Variants in SORL1 observed in about 807,000 individuals in gnomAD.
The protein encoded by SORL1 is sortilin related receptor 1.
SORL1 carries 127 observed loss-of-function variants against 273.7 expected under a neutral mutation model. The ratio of observed to expected loss-of-function variants is 0.46; its 90% CI spans 0.40 to 0.54. The LOEUF is 0.54. SORL1 is among the 20% of genes least tolerant of loss of function. The probability of loss-of-function intolerance (pLI) is 0.00; values close to 1 mark genes in which losing one functional copy is unlikely to be tolerated. For synonymous variants in SORL1, 1,031 were observed against 1,067.4 expected (o/e 0.97, Z 0.66); for missense variants, 2,494 against 2,846.1 (o/e 0.88, Z 2.81).
intron 11 of SORL1, among the ~76,000 whole-genome samples, chr11:121,527,000 T>C (rs1019133884): frequency 4.6e-5 from 7 of 152,008 alleles, no homozygotes; most frequent in African/African-American, 1.7e-4. Flanking sequence ...TTTTCTCCCT[T>C]CTGATTTCTT....
Position 121,627,349 on chromosome 11 carries a change from A to C in SORL1, c.6365-206A>C. On this transcript the variant is annotated intron_variant, in intron 46 of 47. Coordinates refer to ENST00000260197, the MANE Select transcript of SORL1 (RefSeq NM_003105.6). This position sits in a 1 kb window ranked among gnomAD's most constrained non-coding sequence, Gnocchi z 4.9. ...TAATGTAATTACCATATTTGCATGC[A>C]CAAGGCCCTTGGTCTATCAGCTCAT... The C allele has an allele frequency of 1.7e-6, 1 of 593,114 alleles. No homozygotes were observed. The highest frequency in any genetic ancestry group is 2.0e-5 in the South Asian group (1 of 49,990). The allele number at this position is 593,114 out of a possible 1,614,324, so 36.7% of individuals were successfully genotyped here. A position where few individuals can be genotyped will look rare whatever the true frequency, so the allele number is the denominator to read the frequency against.
rs577250328 is a variant in SORL1 at position 121,554,461 on chromosome 11, G to A, written c.2439+352G>A. ...ATCTTTCTTCCCAAGCCATGATACA[G>A]TAACACTTGACTTACCCATAGCTCA... On this transcript the variant is annotated intron_variant, in intron 17 of 47. Transcript: ENST00000260197. The surrounding 1 kb of genome is among the most constrained non-coding windows in gnomAD (Gnocchi z 4.6). Among the ~76,000 whole-genome samples, 2 of 152,252 alleles carry A rather than the reference G, an allele frequency of 1.3e-5. No individual in the cohort carries two copies. Among genetic ancestry groups the A allele is most frequent in the East Asian group, 3.9e-4 (2 of 5,192 alleles).
In SORL1 at chr11:121,462,832, G is replaced by A. The variant is rs953603636; in HGVS notation, c.286-7175G>A. Among the ~76,000 whole-genome samples, 4 of 152,274 alleles carry A rather than the reference G, an allele frequency of 2.6e-5. No homozygotes were observed. In the East Asian group the frequency reaches 7.7e-4, roughly 29 times the overall value. ...ACTCCTGGGCTCGAGGGATCCACCC[G>A]CCTTGGCCTCCCAAAGTGCTGGGAT... On this transcript the variant is annotated intron_variant, in intron 1 of 47. Transcript: ENST00000260197.
In SORL1 at chr11:121,452,614, C is replaced by G; in HGVS notation, c.283C>G (p.Gln95Glu). 6.7e-7 allele frequency: 1 copy of G among 1,482,752 alleles called. No individual in the cohort carries two copies. The allele number at this position is 1,482,752 out of a possible 1,614,324, so 91.8% of individuals were successfully genotyped here. A position where few individuals can be genotyped will look rare whatever the true frequency, so the allele number is the denominator to read the frequency against. The change falls in exon 1 of 48, where the codon CAG (glutamine) becomes GAG (glutamate). Residue 95 changes from glutamine to glutamate, a missense_variant and splice_region_variant. Transcript: ENST00000260197. The surrounding 1 kb of genome is among the most constrained non-coding windows in gnomAD (Gnocchi z 5.3). ...GCCCGAGCCCATCAAGGTGTACGGACAGGTGAGCAGTTTTGCAACCCGCCT... is the reference window on the plus strand; with the variant it reads ...GCCCGAGCCCATCAAGGTGTACGGAGAGGTGAGCAGTTTTGCAACCCGCCT... Reference protein sequence around the residue: ...LQPEPIKVYGQVSLNDSHNQM... With the variant: ...LQPEPIKVYGEVSLNDSHNQM...
chr11:121,468,570 G>A (rs1480607819), intron 1 of SORL1, among the ~76,000 whole-genome samples: 1 of 152,174 alleles, frequency 6.6e-6, no homozygotes, highest in Admixed American at 6.5e-5. Flanking sequence ...ACAGGTGCAT[G>A]CCACCATGCC....
Position 121,614,955 on chromosome 11 carries a change from A to G in SORL1, c.5504A>G (p.His1835Arg), listed in dbSNP as rs758431059. Residue 1835 changes from histidine (H) to arginine (R), a missense_variant, in exon 41 of 48, where the codon CAT (histidine) becomes CGT (arginine). His to Arg is a conservative substitution (Grantham distance 29). Transcript: ENST00000260197. ...GGGGATAGCCCTCTGGCATTTGAGC[A>G]TGTTATGACCAGAGGGGTTCGCCCA... ...DLGDSPLAFEHVMTRGVRPPA... is the reference protein window; with the variant it reads ...DLGDSPLAFERVMTRGVRPPA... The G allele has an allele frequency of 1.5e-5, 24 of 1,613,796 alleles. No homozygotes were observed. The highest frequency in any genetic ancestry group is 9.9e-5 in the South Asian group (9 of 91,006).
At position 121,612,852 on chromosome 11, in the gene SORL1, C is replaced by T. The variant is rs779990103; in HGVS notation, c.5419+20C>T. 2 of 1,564,084 alleles carry T rather than the reference C, an allele frequency of 1.3e-6. No individual in the cohort carries two copies. The highest frequency in any genetic ancestry group is 1.8e-6 in the Non-Finnish European group (2 of 1,135,112). ...ACAAAGGTAACACTTTGGTGCTGGT[C>T]AGTGTGTGTGCAGGAAGGGGTAAGG... On this transcript the variant is annotated intron_variant, in intron 40 of 47. Coordinates refer to ENST00000260197, the MANE Select transcript of SORL1 (RefSeq NM_003105.6).
intron 21 of SORL1, among the ~76,000 whole-genome samples, chr11:121,562,074 GA>G (rs1862685456): frequency 6.6e-6 from 1 of 151,946 alleles, no homozygotes; most frequent in Non-Finnish European, 1.5e-5. Context: ...TGCTTTTTTG[GA>G]CATTGTATTA....
chr11:121,560,592 C>T (rs1461949733), intron 21 of SORL1, among the ~76,000 whole-genome samples: 2 of 152,126 alleles, frequency 1.3e-5, no homozygotes, highest in African/African-American at 2.4e-5. Context: ...GTTTTCTGTT[C>T]TTAACTGGAA....
At chr11:121,478,634 G>A (rs1861319041) in intron 3 of SORL1, among the ~76,000 whole-genome samples, 1 of 152,160 alleles carries the variant, frequency 6.6e-6, no homozygotes, top group Non-Finnish European at 1.5e-5. Context: ...GCTTATGCGT[G>A]CTTGTATGCG....
chr11:121,478,828 A>T (rs1183688944), intron 3 of SORL1, among the ~76,000 whole-genome samples: 1 of 146,634 alleles, frequency 6.8e-6, no homozygotes, highest in Non-Finnish European at 1.5e-5. Context: ...GCGTGTAGTT[A>T]CTTGTGTGCG....
rs187224324 is a variant in SORL1, at chr11:121,568,973, C to T, written c.3224-1184C>T. Among the ~76,000 whole-genome samples, 618 of 152,290 alleles carry T rather than the reference C, an allele frequency of 4.1e-3. 2 individuals carry two copies. Among genetic ancestry groups the T allele is most frequent in the African/African-American group, 0.014 (587 of 41,554 alleles). ...ACTTGTTGTGGGAAGTCCGGGACCC[C>T]GAACGGAGGGACCAGCTGAAGCCAT... On this transcript the variant is annotated intron_variant, in intron 22 of 47. Transcript: ENST00000260197.
At chr11:121,532,595 C>T in intron 12 of SORL1, 43 bp downstream of exon 12, 2 of 1,491,482 alleles carry the variant, frequency 1.3e-6, no homozygotes, top group Non-Finnish European at 1.9e-6. Context: ...AACTTTCTCC[C>T]AGAAATTTAC....
chr11:121,471,006 C>T (rs1430301988), intron 2 of SORL1, among the ~76,000 whole-genome samples: 27 of 152,180 alleles, frequency 1.8e-4, no homozygotes, highest in Non-Finnish European at 4.0e-4. Context: ...CACTCTACCT[C>T]CTCAGAGAAA....
At chr11:121,456,399 C>T (rs181302841) in intron 1 of SORL1, among the ~76,000 whole-genome samples, 1 of 152,234 alleles carries the variant, frequency 6.6e-6, no homozygotes, top group East Asian at 1.9e-4. Flanking sequence ...TATTTGTGGA[C>T]CAGCCACACA....
rs372366880 is a variant in SORL1, at chr11:121,615,047, C to A, written c.5596C>A (p.Arg1866=). ...TAVECTWTGP[R]NVVYGIFYAT... ...AGTGGAATGTACCTGGACCGGCCCC[C>A]GGAATGTGGTGAGTCAGCCAGAATG... is the stretch of plus-strand genomic sequence containing the variant. Residue 1866 remains arginine, a synonymous_variant, in exon 41 of 48, where the codon CGG becomes AGG. Transcript: ENST00000260197. 6 of 1,595,658 alleles carry A rather than the reference C, an allele frequency of 3.8e-6. No individual in the cohort carries two copies. The highest frequency in any genetic ancestry group is 5.1e-6 in the Non-Finnish European group (6 of 1,171,384).
intron 4 of SORL1, among the ~76,000 whole-genome samples, chr11:121,489,117 G>A (rs543280885): frequency 6.6e-6 from 1 of 152,278 alleles, no homozygotes; most frequent in South Asian, 2.1e-4. Context: ...CCACAGCCGT[G>A]TATTCAGTTG....
chr11:121,579,983 C>T (rs1173397760), intron 25 of SORL1, among the ~76,000 whole-genome samples: 1 of 151,842 alleles, frequency 6.6e-6, no homozygotes, highest in African/African-American at 2.4e-5. Flanking sequence ...AGAATTCTTC[C>T]ATTTCTTCCT....
intron 41 of SORL1, among the ~76,000 whole-genome samples, chr11:121,617,324 G>A (rs140094670): frequency 0.012 from 1,753 of 152,308 alleles, 47 homozygotes; most frequent in African/African-American, 0.041. Flanking sequence ...AAAGAAACAT[G>A]TTTTAGGGTA....
Sources: gnomAD v4.1 joint callset for allele counts (sites outside exome capture counted in the v4.1 genomes callset) on GRCh38, gnomAD v4.1.1 for gene constraint, Gnocchi (gnomAD v3.1) non-coding constraint, MANE v1.5 for transcripts, NCBI Gene and HGNC (gene_info 2026-07-23, HGNC 2026-07-21) for gene names.